NAALADL2: variants seen among roughly 807,000 people sequenced by gnomAD.
The protein encoded by NAALADL2 is N-acetylated alpha-linked acidic dipeptidase like 2.
In NAALADL2, 76 loss-of-function variants were observed where a neutral mutation model predicts 87.2. That is an observed-to-expected ratio of 0.87 (90% CI 0.72 to 1.05). The LOEUF (loss-of-function observed/expected upper bound fraction) is 1.05, where lower values mean the gene tolerates loss of function less well. Among genes scored for constraint, NAALADL2 ranks in the 50% least tolerant of loss-of-function variants. NAALADL2 has a pLI of 0.00. For missense variants in NAALADL2, 1,089 were observed against 945.8 expected, an observed-to-expected ratio of 1.15 and a Z score of -1.99; for synonymous variants, 354 against 331.0, an observed-to-expected ratio of 1.07 and a Z score of -0.75.
intron 9 of NAALADL2, among the ~76,000 whole-genome samples, chr3:175,520,990 G>T (rs1040174912): frequency 2.6e-5 from 4 of 152,054 alleles, no homozygotes; most frequent in Admixed American, 6.6e-5. Context: ...AGAGATGATT[G>T]TCTGTCATAT....
chr3:175,243,070 A>AAT (rs1747222889), intron 3 of NAALADL2, among the ~76,000 whole-genome samples: 1 of 146,976 alleles, frequency 6.8e-6, no homozygotes, highest in African/African-American at 2.5e-5. Context: ...TCCTTTCCAT[A>AAT]ACACACACAC....
intron 2 of NAALADL2, among the ~76,000 whole-genome samples, chr3:175,163,219 T>C (rs1023041420): frequency 6.6e-6 from 1 of 152,060 alleles, no homozygotes; most frequent in Non-Finnish European, 1.5e-5. Flanking sequence ...TGAAAAAAAT[T>C]GACCAGTTTT....
At position 174,454,670 on chromosome 3, in the gene NAALADL2, C is replaced by T. The variant is rs558499507; in HGVS notation, c.-184+13638C>T. Among the ~76,000 whole-genome samples, 177 of 152,076 alleles carry T rather than the reference C, an allele frequency of 1.2e-3. 1 individual carries two copies. The highest frequency in any genetic ancestry group is 1.0e-3 in the Admixed American group (16 of 15,274). ...TCAATAATGAAATTAAGGCAGAAAT[C>T]AAGTTCTTTGAAACTAATGAGAACA... On this transcript the variant is annotated intron_variant, in intron 1 of 3. Transcript: ENST00000434257.
intron 11 of NAALADL2, among the ~76,000 whole-genome samples, chr3:175,702,945 T>C (rs189750536): frequency 2.0e-5 from 3 of 152,116 alleles, no homozygotes; most frequent in African/African-American, 7.2e-5. Flanking sequence ...GAGTGAGATG[T>C]TTCTCATAAC....
At chr3:174,723,634 T>TAGTC (rs1288182006) in intron 2 of NAALADL2, among the ~76,000 whole-genome samples, 2 of 151,676 alleles carry the variant, frequency 1.3e-5, no homozygotes, top group African/African-American at 4.8e-5. Context: ...CGGGCGCCTG[T>TAGTC]AGTCCCAGCT....
intron 10 of NAALADL2, among the ~76,000 whole-genome samples, chr3:175,620,523 G>T (rs1726067587): frequency 6.6e-6 from 1 of 152,156 alleles, no homozygotes; most frequent in Non-Finnish European, 1.5e-5. Flanking sequence ...ATAGTCCACT[G>T]CTTGGGAGCA....
chr3:174,501,797 C>T (rs1302524007), intron 1 of NAALADL2, among the ~76,000 whole-genome samples: 2 of 151,816 alleles, frequency 1.3e-5, no homozygotes, highest in Non-Finnish European at 2.9e-5. Context: ...TTTTTGCTCT[C>T]ATTAATCTGG....
intron 9 of NAALADL2, among the ~76,000 whole-genome samples, chr3:175,515,102 T>G (rs1731658248): frequency 6.6e-6 from 1 of 152,230 alleles, no homozygotes; most frequent in Non-Finnish European, 1.5e-5. Flanking sequence ...TATCAAAGGA[T>G]TCAATCTGTG....
At chr3:174,968,501 C>A (rs1443681467) in intron 1 of NAALADL2, among the ~76,000 whole-genome samples, 1 of 151,948 alleles carries the variant, frequency 6.6e-6, no homozygotes, top group Non-Finnish European at 1.5e-5. Flanking sequence ...GTTTTTCTAA[C>A]TATTTTTTTT....
In NAALADL2 at chr3:174,607,032, AT is replaced by A. The variant is rs1719158908; in HGVS notation, c.-115+56399del. Among the ~76,000 whole-genome samples, 6 of 152,296 alleles carry A rather than the reference AT, an allele frequency of 3.9e-5. No individual in the cohort carries two copies. The South Asian group carries it at 1.2e-3, about 32-fold the overall frequency. On this transcript the variant is annotated intron_variant, in intron 2 of 3. Coordinates refer to the NAALADL2 transcript ENST00000434257. ...ATACTCAACATTCTTAAAGAAAAGA[AT>A]TTTCAATCCAGAATTTCATATCCAG...
At chr3:174,683,660 G>C (rs1293085562) in intron 2 of NAALADL2, among the ~76,000 whole-genome samples, 1 of 138,086 alleles carries the variant, frequency 7.2e-6, no homozygotes, top group Admixed American at 7.4e-5. Flanking sequence ...GTGTGTGTGT[G>C]TGTGTGTAAT....
intron 1 of NAALADL2, among the ~76,000 whole-genome samples, chr3:174,475,654 C>G (rs1248966450): frequency 6.6e-6 from 1 of 151,962 alleles, no homozygotes; most frequent in Non-Finnish European, 1.5e-5. Context: ...ACAGTAGTAA[C>G]TGCTAAAATG....
chr3:175,578,251 A>T (rs1719197871), intron 10 of NAALADL2, among the ~76,000 whole-genome samples: 1 of 152,038 alleles, frequency 6.6e-6, no homozygotes, highest in Admixed American at 6.6e-5. Context: ...GTGAAATCTT[A>T]TTTCTACGCA....
chr3:175,516,455 G>T (rs546485684), intron 9 of NAALADL2, among the ~76,000 whole-genome samples: 3 of 152,296 alleles, frequency 2.0e-5, no homozygotes, highest in Admixed American at 6.5e-5. Context: ...CGTGATACCA[G>T]TGTGATCCAA....
intron 13 of NAALADL2, among the ~76,000 whole-genome samples, chr3:175,771,330 G>A (rs569441645): frequency 9.2e-5 from 14 of 152,116 alleles, no homozygotes; most frequent in Non-Finnish European, 1.9e-4. Flanking sequence ...CTTTCTCTAC[G>A]TAAATCAAAG....
At chr3:175,491,284 G>T in intron 9 of NAALADL2, among the ~76,000 whole-genome samples, 1 of 149,116 alleles carries the variant, frequency 6.7e-6, no homozygotes, top group East Asian at 2.0e-4. Flanking sequence ...AAATATTATT[G>T]TCCAATTGTT....
At chr3:175,059,869 C>T in intron 1 of NAALADL2, 1 of 333,484 alleles carries the variant, frequency 3.0e-6, no homozygotes, top group Non-Finnish European at 6.0e-6. Context: ...ACTTTACCAA[C>T]ATAGGGCAAG....
chr3:174,441,285 T>C (rs113902577), intron 1 of NAALADL2, among the ~76,000 whole-genome samples: 24,850 of 152,048 alleles, frequency 0.16, 3,595 homozygotes, highest in African/African-American at 0.37. Context: ...CACCTGGCTC[T>C]GGCAGTCCGC....
chr3:175,062,803 A>G (rs1033570831), intron 1 of NAALADL2, among the ~76,000 whole-genome samples: 13 of 152,124 alleles, frequency 8.5e-5, no homozygotes, highest in African/African-American at 3.1e-4. Context: ...AACAAACCCT[A>G]ATTGTATTTA....
Sources: allele counts gnomAD v4.1 joint callset (sites outside exome capture counted in the v4.1 genomes callset), GRCh38; gene constraint gnomAD v4.1.1; transcripts MANE v1.5; gene names NCBI Gene and HGNC (gene_info 2026-07-23, HGNC 2026-07-21).